Variants in EXT2 observed in about 807,000 individuals in gnomAD.
EXT2 encodes the protein exostosin glycosyltransferase 2, also known as exostosin-2.
Under a neutral mutation model 81.6 loss-of-function variants are expected in EXT2, and 53 were observed. The ratio of observed to expected loss-of-function variants is 0.65; its 90% CI spans 0.52 to 0.82. EXT2 has a LOEUF of 0.82. Ranked by LOEUF, EXT2 falls within the 40% of genes least tolerant of loss-of-function variation. EXT2 has a pLI of 0.00. For synonymous variants in EXT2, 320 were observed against 340.0 expected, an observed-to-expected ratio of 0.94 and a Z score of 0.65; for missense variants, 774 against 910.2, an observed-to-expected ratio of 0.85 and a Z score of 1.93.
Position 44,119,127 on chromosome 11 carries a change from TATATATATATATA to T in EXT2, c.743+4827_743+4839del, listed in dbSNP as rs1565201096. Among the ~76,000 whole-genome samples the T allele has an allele frequency of 1.0e-2, 287 of 28,800 alleles. 11 individuals are homozygous for T. The highest frequency in any genetic ancestry group is 0.038 in the African/African-American group (266 of 7,044). The allele number at this position is 28,800 out of a possible 152,430, so 18.9% of individuals were successfully genotyped here. On this transcript the variant is annotated intron_variant, in intron 4 of 13. Coordinates refer to ENST00000533608, the MANE Select transcript of EXT2 (RefSeq NM_207122.2). ...CCCCCAGGGGACATTTGGCTATTTA[TATATATATATATA>T]TATATATATATATATATATATATAT...
intron 7 of EXT2, among the ~76,000 whole-genome samples, chr11:44,168,812 C>T (rs1955030309): frequency 6.6e-6 from 1 of 152,082 alleles, no homozygotes; most frequent in Non-Finnish European, 1.5e-5. Context: ...ACGAATTCTA[C>T]AGTGAAATAA....
intron 8 of EXT2, among the ~76,000 whole-genome samples, chr11:44,187,919 C>T (rs1955339274): frequency 6.6e-6 from 1 of 152,168 alleles, no homozygotes; most frequent in Admixed American, 6.5e-5. Flanking sequence ...ATCTATTATA[C>T]TGCTTTCTTT....
At chr11:44,144,385 G>A (rs1232406630) in intron 7 of EXT2, 1 of 1,493,530 alleles carries the variant, frequency 6.7e-7, no homozygotes, top group Admixed American at 1.7e-5. Flanking sequence ...TGAATCTCTA[G>A]TCTCTTTGCT....
chr11:44,107,184 A>G (rs1954066905), intron 1 of EXT2, among the ~76,000 whole-genome samples: 1 of 151,710 alleles, frequency 6.6e-6, no homozygotes. Context: ...TAAATATTAA[A>G]TACATTATAT....
intron 3 of EXT2, 122 bp downstream of exon 3, chr11:44,109,405 G>T: frequency 1.1e-6 from 1 of 936,406 alleles, no homozygotes; most frequent in Non-Finnish European, 1.7e-6. Context: ...CTAGAAAATT[G>T]TCATAAGTAT....
At chr11:44,143,983 C>T (rs1370401155) in intron 7 of EXT2, among the ~76,000 whole-genome samples, 1 of 152,048 alleles carries the variant, frequency 6.6e-6, no homozygotes, top group Non-Finnish European at 1.5e-5. Context: ...TCCCGTCTTA[C>T]TCCCTTCATG....
intron 7 of EXT2, among the ~76,000 whole-genome samples, chr11:44,142,549 G>A (rs763026938): frequency 6.6e-6 from 1 of 152,166 alleles, no homozygotes; most frequent in Non-Finnish European, 1.5e-5. Flanking sequence ...GGGACAAGTG[G>A]TTTTTTTCCA....
intron 10 of EXT2, among the ~76,000 whole-genome samples, chr11:44,215,643 C>T (rs1955708719): frequency 6.6e-6 from 1 of 152,148 alleles, no homozygotes; most frequent in South Asian, 2.1e-4. Flanking sequence ...CAAAATATCC[C>T]CTTGCTTGTT....
intron 9 of EXT2, among the ~76,000 whole-genome samples, chr11:44,199,011 G>A (rs539626188): frequency 1.1e-3 from 162 of 152,290 alleles, no homozygotes; most frequent in African/African-American, 3.8e-3. Context: ...TTCTCTGAGA[G>A]AATCATATGC....
intron 7 of EXT2, among the ~76,000 whole-genome samples, chr11:44,131,323 C>T (rs1017655809): frequency 3.9e-5 from 6 of 152,126 alleles, no homozygotes; most frequent in African/African-American, 1.4e-4. Flanking sequence ...TGTGTTCAGT[C>T]CACCCTCTTT....
At chr11:44,199,277 A>G (rs1955494922) in intron 9 of EXT2, among the ~76,000 whole-genome samples, 1 of 152,238 alleles carries the variant, frequency 6.6e-6, no homozygotes, top group Non-Finnish European at 1.5e-5. Flanking sequence ...GAATACAGAA[A>G]GGAAGGAAAA....
chr11:44,188,491 CT>C (rs1955347510), intron 8 of EXT2, among the ~76,000 whole-genome samples: 1 of 152,146 alleles, frequency 6.6e-6, no homozygotes. Context: ...CCAAATAAGC[CT>C]TATGAAGGGA....
chr11:44,228,356 C>T (rs1387615571), intron 10 of EXT2, among the ~76,000 whole-genome samples: 2 of 152,184 alleles, frequency 1.3e-5, no homozygotes, highest in African/African-American at 4.8e-5. Flanking sequence ...AAGGCTTACC[C>T]AGAGCATTTC....
At chr11:44,115,094 C>T (rs952582174) in intron 4 of EXT2, among the ~76,000 whole-genome samples, 8 of 152,212 alleles carry the variant, frequency 5.3e-5, no homozygotes, top group Non-Finnish European at 1.0e-4. Context: ...GCAGCCTGCA[C>T]GTCTCTTAGA....
chr11:44,179,821 C>T (rs539466184), intron 8 of EXT2, among the ~76,000 whole-genome samples: 66 of 151,404 alleles, frequency 4.4e-4, no homozygotes, highest in Non-Finnish European at 7.5e-4. Flanking sequence ...ACTTTACACA[C>T]TGCTTCAATG....
chr11:44,242,021 A>G (rs1956043166), intron 13 of EXT2, among the ~76,000 whole-genome samples: 1 of 152,352 alleles, frequency 6.6e-6, no homozygotes, highest in East Asian at 1.9e-4. Flanking sequence ...CCTGAGCCCC[A>G]GTGGCTTCTT....
At chr11:44,163,331 T>G (rs1201106824) in intron 7 of EXT2, among the ~76,000 whole-genome samples, 1 of 152,210 alleles carries the variant, frequency 6.6e-6, no homozygotes, top group East Asian at 1.9e-4. Flanking sequence ...TTGGCCTTAT[T>G]ATTGAGCTTT....
chr11:44,169,109 A>G (rs1229548414), intron 7 of EXT2, among the ~76,000 whole-genome samples: 9 of 151,964 alleles, frequency 5.9e-5, no homozygotes, highest in Non-Finnish European at 5.9e-5. Context: ...AATCCCAGCT[A>G]CTCAGGAGGC....
intron 7 of EXT2, among the ~76,000 whole-genome samples, chr11:44,138,502 ATTCAT>A (rs1383646596): frequency 6.6e-6 from 1 of 151,488 alleles, no homozygotes; most frequent in African/African-American, 2.4e-5. Context: ...GAAGGTAATG[ATTCAT>A]TAGCAGATCA....
Sources: gnomAD v4.1 joint callset for allele counts (sites outside exome capture counted in the v4.1 genomes callset) on GRCh38, gnomAD v4.1.1 for gene constraint, MANE v1.5 for transcripts, NCBI Gene and HGNC (gene_info 2026-07-23, HGNC 2026-07-21) for gene names.